Variants in STARD13 observed in about 807,000 individuals in gnomAD.
The protein encoded by STARD13 is StAR related lipid transfer domain containing 13.
A neutral mutation model predicts 106.4 loss-of-function variants in STARD13; 62 were observed. The observed-to-expected ratio is 0.58, with a 90% CI of 0.48 to 0.72. The LOEUF is 0.72. Among genes scored for constraint, STARD13 ranks in the 30% least tolerant of loss-of-function variants. The pLI, the probability that STARD13 is intolerant of heterozygous loss-of-function variation, is 0.00. For missense variants in STARD13, 1,387 were observed against 1,424.0 expected (o/e 0.97, Z 0.42); for synonymous variants, 565 against 553.0 (o/e 1.02, Z -0.31).
chr13:33,259,767 C>T (rs374693224), intron 1 of STARD13, among the ~76,000 whole-genome samples: 1 of 152,096 alleles, frequency 6.6e-6, no homozygotes, highest in South Asian at 2.1e-4. Flanking sequence ...TCTATTTATG[C>T]AGGCACTTCC....
At chr13:33,406,669 G>A in the STARD13 span, among the ~76,000 whole-genome samples, 1 of 152,054 alleles carries the variant, frequency 6.6e-6, no homozygotes, top group Non-Finnish European at 1.5e-5. Context: ...AAGCCTCCTC[G>A]CACTTAGAAA....
At chr13:33,343,577 T>TAAAAAAAAAAAAAA (rs1292508834) in intron 1 of STARD13, among the ~76,000 whole-genome samples, 1 of 37,110 alleles carries the variant, frequency 2.7e-5, no homozygotes, top group African/African-American at 1.2e-4. Flanking sequence ...GACCCTGTCT[T>TAAAAAAAAAAAAAA]AAAAAAAAAA....
At chr13:33,564,184 G>A in the STARD13 span, among the ~76,000 whole-genome samples, 1 of 126,018 alleles carries the variant, frequency 7.9e-6, no homozygotes, top group Non-Finnish European at 1.6e-5. Context: ...CTCCAGCCTG[G>A]CAACAGACTG....
the STARD13 span, among the ~76,000 whole-genome samples, chr13:33,460,968 G>A: frequency 6.6e-6 from 1 of 152,166 alleles, no homozygotes; most frequent in Admixed American, 6.5e-5. Context: ...ATTAGGCCAA[G>A]TGAAATAAAC....
chr13:33,670,422 G>A, the STARD13 span, among the ~76,000 whole-genome samples: 1 of 152,110 alleles, frequency 6.6e-6, no homozygotes, highest in Non-Finnish European at 1.5e-5. Flanking sequence ...TATAACATAT[G>A]GAATTTACTA....
At chr13:33,344,582 C>G (rs939698239), downstream of STARD13, among the ~76,000 whole-genome samples, 2 of 152,190 alleles carry the variant, frequency 1.3e-5, no homozygotes, top group African/African-American at 2.4e-5. Flanking sequence ...TATCACTTCA[C>G]AGGATGCTAC....
chr13:33,239,712 C>CT (rs1889370338), intron 1 of STARD13, among the ~76,000 whole-genome samples: 1 of 152,090 alleles, frequency 6.6e-6, no homozygotes. Flanking sequence ...CTATTCAAGT[C>CT]TTTTGCCCAT....
the STARD13 span, among the ~76,000 whole-genome samples, chr13:33,405,907 C>T: frequency 0.016 from 2,452 of 152,306 alleles, 54 homozygotes; most frequent in East Asian, 0.097. Flanking sequence ...TAATAGCTAA[C>T]ATGTAGAGAG....
chr13:33,610,283 T>C, the STARD13 span, among the ~76,000 whole-genome samples: 1 of 152,200 alleles, frequency 6.6e-6, no homozygotes, highest in African/African-American at 2.4e-5. Flanking sequence ...GGTGGGGCCT[T>C]ACTGTATCTT....
At chr13:33,237,711 T>C (rs1341294408) in intron 1 of STARD13, among the ~76,000 whole-genome samples, 1 of 152,192 alleles carries the variant, frequency 6.6e-6, no homozygotes, top group Admixed American at 6.5e-5. Context: ...ACCAAAAAAT[T>C]TTAAGGAAAA....
chr13:33,286,075 A>G (rs530803403), upstream of STARD13, among the ~76,000 whole-genome samples: 3 of 152,244 alleles, frequency 2.0e-5, no homozygotes, highest in South Asian at 6.2e-4. Context: ...TCAGCCTGTC[A>G]AAGTTAGAGA....
At chr13:33,431,909 C>T in the STARD13 span, among the ~76,000 whole-genome samples, 1 of 152,170 alleles carries the variant, frequency 6.6e-6, no homozygotes, top group African/African-American at 2.4e-5. Flanking sequence ...ATGACGGAAC[C>T]ATTACAAAGT....
intron 13 of STARD13, among the ~76,000 whole-genome samples, chr13:33,106,440 G>A (rs552542030): frequency 6.6e-6 from 1 of 152,190 alleles, no homozygotes; most frequent in South Asian, 2.1e-4. Context: ...CACAAGAGAG[G>A]GAAACTCTGA....
At chr13:33,647,816 C>G in the STARD13 span, among the ~76,000 whole-genome samples, 1 of 152,174 alleles carries the variant, frequency 6.6e-6, no homozygotes, top group South Asian at 2.1e-4. Flanking sequence ...TGACGCTTCT[C>G]TTTATTGTTT....
At chr13:33,192,569 G>T (rs115233281) in intron 1 of STARD13, among the ~76,000 whole-genome samples, 1,814 of 152,224 alleles carry the variant, frequency 0.012, 37 homozygotes, top group African/African-American at 0.042. Flanking sequence ...TATGTGCAAT[G>T]GCTCACTTAA....
chr13:33,534,629 A>G, the STARD13 span, among the ~76,000 whole-genome samples: 3 of 152,152 alleles, frequency 2.0e-5, no homozygotes, highest in East Asian at 1.9e-4. Context: ...TTTTTTATAT[A>G]TAGAATACAC....
At chr13:33,623,923 C>T in the STARD13 span, among the ~76,000 whole-genome samples, 1 of 152,114 alleles carries the variant, frequency 6.6e-6, no homozygotes, top group African/African-American at 2.4e-5. Flanking sequence ...TTTACATGGA[C>T]TAGAATGGCG....
the STARD13 span, among the ~76,000 whole-genome samples, chr13:33,519,208 TTTTCTTTCTTTCTTTCTTTC>T: frequency 4.9e-4 from 50 of 101,590 alleles, no homozygotes; most frequent in South Asian, 1.3e-3. Context: ...CTTGGTAATT[TTTTCTTTCTTTCTTTCTTTC>T]TTTCTTTCTT....
At chr13:33,222,733 T>C (rs150389939) in intron 1 of STARD13, among the ~76,000 whole-genome samples, 28 of 152,362 alleles carry the variant, frequency 1.8e-4, no homozygotes, top group Admixed American at 5.2e-4. Context: ...GATAGCTATA[T>C]GTTCTATGCA....
Sources: gnomAD v4.1 joint callset for allele counts (sites outside exome capture counted in the v4.1 genomes callset) on GRCh38, gnomAD v4.1.1 for gene constraint, MANE v1.5 for transcripts, NCBI Gene and HGNC (gene_info 2026-07-23, HGNC 2026-07-21) for gene names.